The following RNF24 variants were observed in gnomAD, a reference collection of about 807,000 sequenced individuals.
RNF24 encodes the protein ring finger protein 24.
RNF24 carries 14 observed loss-of-function variants against 20.0 expected under a neutral mutation model. The observed-to-expected ratio is 0.70, with a 90% CI of 0.46 to 1.10. The LOEUF (loss-of-function observed/expected upper bound fraction) is 1.10. Ranked by LOEUF, RNF24 falls within the 50% of genes least tolerant of loss-of-function variation. The pLI is 0.00. For synonymous variants in RNF24, 45 were observed against 61.1 expected (o/e 0.74, Z 1.23); for missense variants, 124 against 177.6 (o/e 0.70, Z 1.71).
At chr20:3,995,057 TG>T (rs759110318) in intron 1 of RNF24, among the ~76,000 whole-genome samples, 7 of 152,226 alleles carry the variant, frequency 4.6e-5, no homozygotes, top group Non-Finnish European at 1.0e-4. Flanking sequence ...GAAAGCTGCA[TG>T]GCACTAAGTG....
chr20:3,995,345 T>C (rs1326179720), intron 1 of RNF24, among the ~76,000 whole-genome samples: 1 of 152,174 alleles, frequency 6.6e-6, no homozygotes, highest in Admixed American at 6.5e-5. Context: ...ATCTACATCT[T>C]TGAGCCTGAA....
rs577439580 is a variant in RNF24, at chr20:3,974,599, T to G, written c.-7-10575A>C. Among the ~76,000 whole-genome samples the G allele has an allele frequency of 4.6e-5, 7 of 152,306 alleles. No individual in the cohort carries two copies. The South Asian group carries it at 1.4e-3, about 32-fold the overall frequency. On this transcript the variant is annotated intron_variant, in intron 1 of 5. Transcript: ENST00000358395. ...ATACATATAAAAATCAACTGTGTTT[T>G]TATAAATTAGCAATGAACATAGGAA...
intron 2 of RNF24, among the ~76,000 whole-genome samples, chr20:3,956,246 T>C (rs899003885): frequency 6.6e-6 from 1 of 151,464 alleles, no homozygotes; most frequent in Non-Finnish European, 1.5e-5. Context: ...GAAAGTACAA[T>C]GTTAAGTTGT....
chr20:3,954,821 C>G (rs1304816582), intron 2 of RNF24, among the ~76,000 whole-genome samples: 1 of 151,912 alleles, frequency 6.6e-6, no homozygotes, highest in East Asian at 1.9e-4. Context: ...ATTGCATGAA[C>G]CTGGGAGGCA....
At chr20:4,002,736 G>C (rs887201588) in intron 1 of RNF24, among the ~76,000 whole-genome samples, 8 of 151,954 alleles carry the variant, frequency 5.3e-5, no homozygotes, top group Non-Finnish European at 1.0e-4. Context: ...TCCTGAAGTA[G>C]GTTATTTCAC....
In RNF24 at chr20:4,010,331, C is replaced by G. The variant is rs140819576; in HGVS notation, c.-8+5106G>C. ...GAGGTTGTGGTGAGCCGAGATTGCA[C>G]CACTGTACTCCAGCCTAGGTGACAG... On this transcript the variant is annotated intron_variant, in intron 1 of 5. Transcript: ENST00000358395. Among the ~76,000 whole-genome samples, 1,231 of 152,260 alleles carry G rather than the reference C, an allele frequency of 8.1e-3. 16 individuals are homozygous for G. Among genetic ancestry groups the G allele is most frequent in the Middle Eastern group, 0.054 (16 of 294 alleles).
intron 1 of RNF24, among the ~76,000 whole-genome samples, chr20:4,003,232 G>T (rs1429136700): frequency 6.6e-6 from 1 of 152,170 alleles, no homozygotes; most frequent in East Asian, 1.9e-4. Context: ...GCCTACCAAA[G>T]TGCTGGGATT....
At chr20:3,998,722 CT>C (rs1981124488) in intron 1 of RNF24, among the ~76,000 whole-genome samples, 1 of 150,520 alleles carries the variant, frequency 6.6e-6, no homozygotes, top group Non-Finnish European at 1.5e-5. Flanking sequence ...CGCCATTGTA[CT>C]CTAGCCTGGG....
intron 2 of RNF24, among the ~76,000 whole-genome samples, chr20:3,954,000 C>T (rs2091113112): frequency 6.6e-6 from 1 of 152,016 alleles, no homozygotes; most frequent in African/African-American, 2.4e-5. Flanking sequence ...CAGGTGATCC[C>T]CTGCCTCAGA....
Position 3,989,230 on chromosome 20 carries a change from G to A in RNF24, c.-7-25206C>T, listed in dbSNP as rs915136616. ...AACCTGGCCGGGCACGGTGGCTCAC[G>A]CCTGTAATCCCAGCACTTTAGGAGG... On this transcript the variant is annotated intron_variant, in intron 1 of 5. Coordinates refer to ENST00000358395, the MANE Select transcript of RNF24 (RefSeq NM_001134337.3). Among the ~76,000 whole-genome samples, 5 of 152,138 alleles carry A rather than the reference G, an allele frequency of 3.3e-5. No individual in the cohort carries two copies. The South Asian group carries it at 6.2e-4, about 19-fold the overall frequency.
Position 3,931,314 on chromosome 20 carries a change from A to C in RNF24, c.*2749T>G, listed in dbSNP as rs2090819124. On this transcript the variant is annotated 3_prime_UTR_variant, in exon 6 of 6. Coordinates refer to ENST00000358395, the MANE Select transcript of RNF24 (RefSeq NM_001134337.3). ...ACAAGTCCCAGCAACTCCTGAAGAT[A>C]GATGCGGAAAGGGTGACTTTACCAT... is the stretch of plus-strand genomic sequence containing the variant. The C allele has an allele frequency of 6.6e-6, 1 of 152,232 alleles. No individual in the cohort carries two copies. Among genetic ancestry groups the C allele is most frequent in the Middle Eastern group, 3.2e-3 (1 of 316 alleles). The allele number at this position is 152,232 out of a possible 1,614,324, so 9.4% of individuals were successfully genotyped here. A position where few individuals can be genotyped will look rare whatever the true frequency, so the allele number is the denominator to read the frequency against.
intron 1 of RNF24, among the ~76,000 whole-genome samples, chr20:3,993,567 G>A (rs927715903): frequency 2.3e-4 from 35 of 152,162 alleles, no homozygotes; most frequent in African/African-American, 7.7e-4. Context: ...GATTACAGGC[G>A]TGAGCCACCA....
At position 3,996,573 on chromosome 20, in the gene RNF24, G is replaced by A. The variant is rs980785077; in HGVS notation, c.-8+18864C>T. On this transcript the variant is annotated intron_variant, in intron 1 of 5. Transcript: ENST00000358395. ...CTGTCCTACCCCACCCTCAATATCT[G>A]TTCTCCCTTTCTTCCACTTAATTAG... Among the ~76,000 whole-genome samples, 11 of 152,054 alleles carry A rather than the reference G, an allele frequency of 7.2e-5. 1 individual carries two copies. Among genetic ancestry groups the A allele is most frequent in the Admixed American group, 7.2e-4 (11 of 15,256 alleles).
intron 1 of RNF24, among the ~76,000 whole-genome samples, chr20:3,969,357 T>C (rs2091290397): frequency 6.6e-6 from 1 of 152,052 alleles, no homozygotes; most frequent in Non-Finnish European, 1.5e-5. Context: ...ACCATGGACA[T>C]TAAGTTGGAC....
intron 4 of RNF24, among the ~76,000 whole-genome samples, chr20:3,944,446 C>G (rs1045794349): frequency 6.6e-6 from 1 of 152,182 alleles, no homozygotes; most frequent in Non-Finnish European, 1.5e-5. Context: ...AGCTTCACCA[C>G]AGCTAGGCTA....
At chr20:3,999,735 C>T (rs1225117879) in intron 1 of RNF24, among the ~76,000 whole-genome samples, 3 of 152,140 alleles carry the variant, frequency 2.0e-5, no homozygotes, top group African/African-American at 2.4e-5. Context: ...GCATGGGCAA[C>T]GAGAGGCGAA....
In RNF24 at chr20:3,929,174, AGT is replaced by A. The variant is rs1277219831; in HGVS notation, c.*4887_*4888del. Reference sequence around the variant, plus strand: ...CCGACCAGAAGCATTTTCTTTTCAAAGTGTGTGCACAGAGTGAGGAGGCCAGC... The same window carrying A: ...CCGACCAGAAGCATTTTCTTTTCAAAGTGTGCACAGAGTGAGGAGGCCAGC... On this transcript the variant is annotated 3_prime_UTR_variant, in exon 6 of 6. Coordinates refer to ENST00000358395, the MANE Select transcript of RNF24 (RefSeq NM_001134337.3). The A allele has an allele frequency of 6.6e-6, 1 of 152,196 alleles. No individual in the cohort carries two copies. The highest frequency in any genetic ancestry group is 1.5e-5 in the Non-Finnish European group (1 of 68,068). The allele number at this position is 152,196 out of a possible 1,614,324, so 9.4% of individuals were successfully genotyped here. A position where few individuals can be genotyped will look rare whatever the true frequency, so the allele number is the denominator to read the frequency against.
chr20:3,974,015 C>A (rs73086549), intron 1 of RNF24, among the ~76,000 whole-genome samples: 17,524 of 150,704 alleles, frequency 0.12, 1,364 homozygotes, highest in Non-Finnish European at 0.17. Flanking sequence ...TTTTACAACA[C>A]CATGACCAAG....
Position 3,934,999 on chromosome 20 carries a change from G to A in RNF24, c.303C>T (p.His101=). 1 of 1,613,560 alleles carries A rather than the reference G, an allele frequency of 6.2e-7. No homozygotes were observed. The highest frequency in any genetic ancestry group is 8.5e-7 in the Non-Finnish European group (1 of 1,179,524). Residue 101 remains histidine (H), a synonymous_variant, in exon 5 of 6, where the codon CAC becomes CAT. Coordinates refer to ENST00000358395, the MANE Select transcript of RNF24 (RefSeq NM_001134337.3). The surrounding 1 kb of genome is among the most constrained non-coding windows in gnomAD (Gnocchi z 4.0). ...LGICPCKHAF[H]RKCLIKWLEV... Reference sequence around the variant, plus strand: ...AATTCCATACCAATACTTACTTTCTGTGGAAGGCGTGCTTACATGGGCAAA... The same window carrying A: ...AATTCCATACCAATACTTACTTTCTATGGAAGGCGTGCTTACATGGGCAAA...
Sources: allele counts gnomAD v4.1 joint callset (sites outside exome capture counted in the v4.1 genomes callset), GRCh38; gene constraint gnomAD v4.1.1; non-coding constraint Gnocchi (gnomAD v3.1); transcripts MANE v1.5; gene names NCBI Gene and HGNC (gene_info 2026-07-23, HGNC 2026-07-21).